MTERF4: variants seen among roughly 807,000 people sequenced by gnomAD.
MTERF4 encodes mitochondrial transcription termination factor 4.
MTERF4 carries 17 observed loss-of-function variants against 22.5 expected under a neutral mutation model. The observed-to-expected ratio is 0.75, with a 90% CI of 0.52 to 1.13. The LOEUF (loss-of-function observed/expected upper bound fraction) is 1.13. Among genes scored for constraint, MTERF4 ranks in the 50% most tolerant of loss-of-function variants. The pLI, the probability that MTERF4 is intolerant of heterozygous loss-of-function variation, is 0.00. For synonymous variants in MTERF4, 165 were observed against 175.3 expected (o/e 0.94, Z 0.47); for missense variants, 420 against 466.8 (o/e 0.90, Z 0.92).
downstream of MTERF4, chr2:241,071,452 G>A (rs889031516): frequency 1.8e-5 from 21 of 1,161,248 alleles, no homozygotes; most frequent in African/African-American, 6.1e-5. Flanking sequence ...CACGGCCCAC[G>A]CACATGCCCC....
the MTERF4 span, among the ~76,000 whole-genome samples, chr2:241,042,640 T>C: frequency 6.6e-6 from 1 of 151,778 alleles, no homozygotes; most frequent in African/African-American, 2.4e-5. Context: ...ATAATCAAGA[T>C]TGTTGAGGGG....
At chr2:241,071,203 C>T (rs755494222), downstream of MTERF4, among the ~76,000 whole-genome samples, 1 of 152,192 alleles carries the variant, frequency 6.6e-6, no homozygotes, top group South Asian at 2.1e-4. Flanking sequence ...CATCAGGAGG[C>T]CACTGGGGAG....
the MTERF4 span, among the ~76,000 whole-genome samples, chr2:241,050,458 C>T: frequency 6.6e-6 from 1 of 152,088 alleles, no homozygotes; most frequent in Admixed American, 6.5e-5. Context: ...GTGGTCAGTG[C>T]CCAGAGGGGG....
chr2:241,052,670 CAGGCAGG>C, the MTERF4 span, among the ~76,000 whole-genome samples: 2 of 47,948 alleles, frequency 4.2e-5, no homozygotes, highest in Non-Finnish European at 3.5e-5. Context: ...ACACCGGTGC[CAGGCAGG>C]TGAGAGGGTC....
At chr2:241,079,150 C>A (rs1469835252) in intron 4 of MTERF4, among the ~76,000 whole-genome samples, 1 of 134,224 alleles carries the variant, frequency 7.5e-6, no homozygotes, top group African/African-American at 2.8e-5. Flanking sequence ...CGGTGGCTCA[C>A]ATCTGTAATC....
chr2:241,071,444 C>T (rs373793654), downstream of MTERF4: 99 of 1,058,304 alleles, frequency 9.4e-5, no homozygotes, highest in African/African-American at 3.9e-4. Flanking sequence ...TGGATGACCA[C>T]GGCCCACGCA....
chr2:241,051,814 C>T, the MTERF4 span: 1 of 1,562,680 alleles, frequency 6.4e-7, no homozygotes, highest in South Asian at 1.2e-5. The surrounding 1 kb of genome is among the most constrained non-coding windows in gnomAD (Gnocchi z 4.7). Flanking sequence ...GCGGCGAGTA[C>T]CACTGCAGCT....
At chr2:241,053,971 A>G in the MTERF4 span, among the ~76,000 whole-genome samples, 4 of 152,238 alleles carry the variant, frequency 2.6e-5, no homozygotes, top group Non-Finnish European at 4.4e-5. Context: ...TTTTAAAACA[A>G]GCTTAGGAAC....
downstream of MTERF4, chr2:241,071,550 G>A (rs1297039580): frequency 1.3e-6 from 2 of 1,568,826 alleles, no homozygotes; most frequent in Admixed American, 1.8e-5. Flanking sequence ...CCCCAGACCA[G>A]CCCCTTCCTC....
At chr2:241,089,490 C>T (rs760295447), downstream of MTERF4, 46 of 1,486,928 alleles carry the variant, frequency 3.1e-5, 1 homozygote, top group Non-Finnish European at 4.0e-5. Context: ...GGGGAAAGGT[C>T]TGGGCCGGAG....
downstream of MTERF4, chr2:241,071,922 G>A (rs374257614): frequency 3.3e-5 from 47 of 1,444,070 alleles, no homozygotes; most frequent in African/African-American, 1.7e-4. Context: ...GCCCACCCTC[G>A]TCCTCACTGC....
the MTERF4 span, chr2:241,065,212 G>T: frequency 7.1e-7 from 1 of 1,411,078 alleles, no homozygotes; most frequent in South Asian, 1.3e-5. Flanking sequence ...CCAAGAGCCA[G>T]ACCCGGCTGA....
At chr2:241,065,561 C>T in the MTERF4 span, 3 of 1,612,676 alleles carry the variant, frequency 1.9e-6, no homozygotes, top group East Asian at 2.2e-5. Flanking sequence ...ACAAGAATGA[C>T]ATCAGCAGGC....
chr2:241,048,771 G>T, the MTERF4 span: 4 of 1,602,280 alleles, frequency 2.5e-6, no homozygotes, highest in South Asian at 1.1e-5. Context: ...AATTTGGTAG[G>T]TGCCCAGGTC....
the MTERF4 span, chr2:241,063,757 A>G: frequency 7.8e-7 from 1 of 1,281,586 alleles, no homozygotes. Context: ...GGAAGATCAG[A>G]GAGGAGGTGG....
At chr2:241,094,419 G>A (rs547912191), downstream of MTERF4, 1 of 471,114 alleles carries the variant, frequency 2.1e-6, no homozygotes, top group Admixed American at 2.4e-5. The surrounding 1 kb of genome is among the most constrained non-coding windows in gnomAD (Gnocchi z 4.3). Flanking sequence ...CAGTCACGCT[G>A]TAAGACGAGG....
the MTERF4 span, among the ~76,000 whole-genome samples, chr2:241,052,967 A>G: frequency 6.6e-6 from 1 of 152,138 alleles, no homozygotes; most frequent in African/African-American, 2.4e-5. Context: ...TGGGCAAGGC[A>G]GGAATGGGAA....
At chr2:241,102,217 G>T (rs1162916499) in intron 1 of MTERF4, 36 bp downstream of exon 1, 13 of 1,547,946 alleles carry the variant, frequency 8.4e-6, no homozygotes, top group Non-Finnish European at 1.1e-5. Flanking sequence ...GCCCGCCTGC[G>T]ACCCGGAGAA....
the MTERF4 span, chr2:241,065,671 G>T: frequency 7.5e-7 from 1 of 1,326,524 alleles, no homozygotes; most frequent in Non-Finnish European, 1.0e-6. Context: ...GCACCTGCAG[G>T]GCGGCTGTCA....
Sources: gnomAD v4.1 joint callset for allele counts (sites outside exome capture counted in the v4.1 genomes callset) on GRCh38, gnomAD v4.1.1 for gene constraint, Gnocchi (gnomAD v3.1) non-coding constraint, MANE v1.5 for transcripts, NCBI Gene and HGNC (gene_info 2026-07-23, HGNC 2026-07-21) for gene names.